CCDC191: variants seen among roughly 807,000 people sequenced by gnomAD.
CCDC191 encodes coiled-coil domain-containing protein 191.
In CCDC191, 99 loss-of-function variants were observed where a neutral mutation model predicts 114.0. The observed-to-expected ratio is 0.87, with a 90% CI of 0.74 to 1.03. The LOEUF is 1.03. Among genes scored for constraint, CCDC191 ranks in the 50% least tolerant of loss-of-function variants. CCDC191 has a pLI of 0.00. For synonymous variants in CCDC191, 351 were observed against 376.0 expected (o/e 0.93, Z 0.77); for missense variants, 973 against 1,087.0 (o/e 0.90, Z 1.47).
intron 16 of CCDC191, among the ~76,000 whole-genome samples, chr3:113,976,580 A>G (rs1941366596): frequency 6.6e-6 from 1 of 152,162 alleles, no homozygotes. Context: ...AGAAACAGAA[A>G]GAAAACATAG....
intron 13 of CCDC191, 112 bp from the exon 14 acceptor site, chr3:113,980,905 CATG>C: frequency 1.0e-6 from 1 of 977,708 alleles, no homozygotes; most frequent in South Asian, 1.5e-5. Context: ...GTGTGTTAAT[CATG>C]ATAACAGAGC....
intron 13 of CCDC191, among the ~76,000 whole-genome samples, chr3:113,992,498 G>C (rs1298531987): frequency 6.6e-6 from 1 of 152,102 alleles, no homozygotes; most frequent in African/African-American, 2.4e-5. Flanking sequence ...GAGATTGAAT[G>C]AGTAATTTAA....
intron 3 of CCDC191, among the ~76,000 whole-genome samples, chr3:114,044,165 T>A (rs189602251): frequency 7.3e-5 from 11 of 150,882 alleles, no homozygotes; most frequent in Non-Finnish European, 1.3e-4. Context: ...TAGAAGTGGA[T>A]GAAATTACCA....
chr3:113,972,262 T>A (rs1940899401), intron 16 of CCDC191, among the ~76,000 whole-genome samples: 3 of 152,116 alleles, frequency 2.0e-5, no homozygotes, highest in Admixed American at 2.0e-4. Context: ...ACCTATAGAT[T>A]TTGATCTATG....
intron 7 of CCDC191, among the ~76,000 whole-genome samples, chr3:114,025,470 TA>T (rs1303154755): frequency 3.3e-5 from 5 of 152,168 alleles, no homozygotes; most frequent in Non-Finnish European, 7.3e-5. Flanking sequence ...ACCCCTTACA[TA>T]AGGCCATTTT....
Position 114,034,984 on chromosome 3 carries a change from C to G in CCDC191, c.759G>C (p.Met253Ile). The change falls in exon 6 of 17, where the codon ATG (methionine) becomes ATC (isoleucine). Residue 253 changes from methionine to isoleucine, a missense_variant. By Grantham distance (10) the Met-to-Ile change is conservative. Transcript: ENST00000295878. Reference sequence around the variant, plus strand: ...CAATTATCTCCCTCCGCAGCTTCACCATCTCCCTTTGAATCTCCTCTTCCT... The same window carrying G: ...CAATTATCTCCCTCCGCAGCTTCACGATCTCCCTTTGAATCTCCTCTTCCT... ...KKEEEEIQRE[M>I]VKLRREIIER... The G allele has an allele frequency of 6.2e-7, 1 of 1,614,044 alleles. No individual in the cohort carries two copies.
intron 11 of CCDC191, chr3:114,004,340 CTTTT>C (rs140992391): frequency 2.0e-6 from 2 of 1,002,772 alleles, no homozygotes. Context: ...GTAATTATTC[CTTTT>C]TTTTTCACAA....
At chr3:114,031,483 G>A in intron 7 of CCDC191, 143 bp downstream of exon 7, 1 of 688,436 alleles carries the variant, frequency 1.5e-6, no homozygotes, top group Non-Finnish European at 2.6e-6. Context: ...GGTCAGCTGG[G>A]CACAAAGAAC....
At chr3:113,974,229 G>C (rs1447574638) in intron 16 of CCDC191, among the ~76,000 whole-genome samples, 1 of 151,706 alleles carries the variant, frequency 6.6e-6, no homozygotes, top group Non-Finnish European at 1.5e-5. Context: ...TTGAATGTTG[G>C]TTAGAGTTTA....
intron 4 of CCDC191, among the ~76,000 whole-genome samples, chr3:114,042,082 C>T (rs1380131684): frequency 6.6e-6 from 1 of 151,906 alleles, no homozygotes; most frequent in Non-Finnish European, 1.5e-5. Flanking sequence ...ATAAAAATGA[C>T]ATATGAGTAC....
intron 16 of CCDC191, among the ~76,000 whole-genome samples, chr3:113,968,546 T>G (rs1009393638): frequency 6.6e-6 from 1 of 151,726 alleles, no homozygotes; most frequent in Non-Finnish European, 1.5e-5. Flanking sequence ...CCTCCTGGAC[T>G]CAAGAGATCC....
chr3:114,035,312 G>A (rs1439762912), intron 5 of CCDC191, among the ~76,000 whole-genome samples, 164 bp from the exon 6 acceptor site: 1 of 152,036 alleles, frequency 6.6e-6, no homozygotes, highest in Non-Finnish European at 1.5e-5. Flanking sequence ...CTGTTTACTG[G>A]GTAAAGATGA....
At chr3:114,010,431 C>T (rs988046986) in intron 9 of CCDC191, among the ~76,000 whole-genome samples, 3 of 152,066 alleles carry the variant, frequency 2.0e-5, no homozygotes, top group African/African-American at 7.2e-5. Flanking sequence ...TTGTAAGTCA[C>T]AAACTCATTT....
chr3:114,006,617 T>TATATATATATATATAAATAA, intron 9 of CCDC191, among the ~76,000 whole-genome samples: 2 of 118,428 alleles, frequency 1.7e-5, no homozygotes, highest in East Asian at 4.9e-4. Context: ...TATATATATA[T>TATATATATATATATAAATAA]AAATATATAT....
intron 7 of CCDC191, among the ~76,000 whole-genome samples, chr3:114,021,398 G>T (rs957777419): frequency 6.6e-5 from 10 of 151,782 alleles, no homozygotes; most frequent in Non-Finnish European, 2.9e-5. Context: ...TCTTGAAATT[G>T]ACTTGCTATT....
At chr3:114,041,013 C>G (rs1362629252) in intron 4 of CCDC191, among the ~76,000 whole-genome samples, 3 of 149,384 alleles carry the variant, frequency 2.0e-5, no homozygotes, top group Non-Finnish European at 4.4e-5. Flanking sequence ...AATATTTGTT[C>G]AATATTTCAA....
intron 8 of CCDC191, among the ~76,000 whole-genome samples, chr3:114,011,961 A>G (rs1253154261): frequency 6.6e-6 from 1 of 152,222 alleles, no homozygotes; most frequent in Non-Finnish European, 1.5e-5. Context: ...TTTGAGGTTC[A>G]AAATATACTG....
chr3:114,018,368 TCTCA>T lies in CCDC191; in HGVS notation c.1163+306_1163+309del, dbSNP rs200214833. Reference sequence around the variant, plus strand: ...TTATTTTATTTTATTGGAGACAGGATCTCACTATGTTCCCCAGGCTGGTCTTGAA... The same window carrying T: ...TTATTTTATTTTATTGGAGACAGGATCTATGTTCCCCAGGCTGGTCTTGAA... On this transcript the variant is annotated intron_variant, in intron 8 of 16. Coordinates refer to ENST00000295878, the MANE Select transcript of CCDC191 (RefSeq NM_020817.2). 3.5e-3 allele frequency among the ~76,000 whole-genome samples: 526 copies of T among 152,058 alleles called. 5 individuals are homozygous for T. Among genetic ancestry groups the T allele is most frequent in the African/African-American group, 0.012 (495 of 41,438 alleles).
At chr3:113,990,084 G>A (rs563767997) in intron 13 of CCDC191, among the ~76,000 whole-genome samples, 1 of 151,756 alleles carries the variant, frequency 6.6e-6, no homozygotes, top group African/African-American at 2.4e-5. Context: ...GGAAGGAGGA[G>A]GACAGAAATA....
Sources: gnomAD v4.1 joint callset for allele counts (sites outside exome capture counted in the v4.1 genomes callset) on GRCh38, gnomAD v4.1.1 for gene constraint, MANE v1.5 for transcripts, NCBI Gene and HGNC (gene_info 2026-07-23, HGNC 2026-07-21) for gene names.